Variants in PKHD1 observed in about 807,000 individuals in gnomAD.
PKHD1 encodes the protein fibrocystin.
PKHD1 carries 291 observed loss-of-function variants against 412.0 expected under a neutral mutation model. The observed-to-expected ratio is 0.71, with a 90% CI of 0.64 to 0.78. The LOEUF (loss-of-function observed/expected upper bound fraction) is 0.78, where lower values mean the gene tolerates loss of function less well. Among genes scored for constraint, PKHD1 ranks in the 30% least tolerant of loss-of-function variants. The pLI is 0.00. For missense variants in PKHD1, 4,825 were observed against 4,950.7 expected (o/e 0.97, Z 0.76); for synonymous variants, 1,777 against 1,821.5 (o/e 0.98, Z 0.62).
intron 51 of PKHD1, among the ~76,000 whole-genome samples, chr6:51,833,640 T>C (rs4142800): frequency 0.5 from 75,600 of 151,904 alleles, 20,011 homozygotes; most frequent in African/African-American, 0.65. Context: ...AATAGTAGAG[T>C]TCTGGTAAGA....
chr6:51,974,056 G>C (rs1286051640), intron 35 of PKHD1, among the ~76,000 whole-genome samples: 1 of 151,946 alleles, frequency 6.6e-6, no homozygotes, highest in Non-Finnish European at 1.5e-5. Flanking sequence ...ATCCCAGTAC[G>C]GGTGAATCAC....
At chr6:51,838,227 G>A (rs1769580477) in intron 50 of PKHD1, among the ~76,000 whole-genome samples, 1 of 152,152 alleles carries the variant, frequency 6.6e-6, no homozygotes, top group African/African-American at 2.4e-5. Context: ...TCAATAATTA[G>A]CTTTGTCTTC....
intron 52 of PKHD1, among the ~76,000 whole-genome samples, chr6:51,819,985 C>A (rs1292981601): frequency 6.6e-6 from 1 of 152,108 alleles, no homozygotes; most frequent in African/African-American, 2.4e-5. Context: ...AGATTTTTAA[C>A]GTACTTGCAG....
rs184470747 is a variant in PKHD1, at chr6:52,023,174, T to A, written c.5237-230A>T. On this transcript the variant is annotated intron_variant, in intron 32 of 66. Transcript: ENST00000371117. ...CCTATTGTGTTAAAGAGGTTTTTTT[T>A]TAATGTAACAATTTTTATATGGAAA... Among the ~76,000 whole-genome samples, 59 of 152,306 alleles carry A rather than the reference T, an allele frequency of 3.9e-4. No homozygotes were observed. The East Asian group carries it at 8.1e-3, about 21-fold the overall frequency.
chr6:51,818,829 A>G, intron 52 of PKHD1, among the ~76,000 whole-genome samples: 1 of 152,102 alleles, frequency 6.6e-6, no homozygotes. Flanking sequence ...CAGCACATTG[A>G]TGGACCACCG....
At chr6:51,780,354 C>T (rs1791779106) in intron 53 of PKHD1, among the ~76,000 whole-genome samples, 1 of 151,460 alleles carries the variant, frequency 6.6e-6, no homozygotes, top group African/African-American at 2.4e-5. Context: ...CCACACTGCA[C>T]TCCAGCCTGG....
Position 51,938,500 on chromosome 6 carries a change from C to T in PKHD1, c.5909-4178G>A, listed in dbSNP as rs537398195. On this transcript the variant is annotated intron_variant, in intron 36 of 66. Transcript: ENST00000371117. Reference sequence around the variant, plus strand: ...CCCCACTGAGCACGCTGTGACCCCCCACTCCTGCCCGCCAGAGAACAACCC... The same window carrying T: ...CCCCACTGAGCACGCTGTGACCCCCTACTCCTGCCCGCCAGAGAACAACCC... Among the ~76,000 whole-genome samples, 4 of 134,660 alleles carry T rather than the reference C, an allele frequency of 3.0e-5. No individual in the cohort carries two copies. In the East Asian group the frequency reaches 8.5e-4, roughly 29 times the overall value. 88.3% of individuals were successfully genotyped at this position (134,660 alleles called of 152,430 possible). A position where few individuals can be genotyped will look rare whatever the true frequency, so the allele number is the denominator to read the frequency against.
intron 66 of PKHD1, among the ~76,000 whole-genome samples, chr6:51,625,477 C>G (rs758100469): frequency 6.6e-6 from 1 of 152,072 alleles, no homozygotes; most frequent in Non-Finnish European, 1.5e-5. Context: ...GCTGTGATCC[C>G]CAGAGGAGGA....
At chr6:51,864,270 A>T (rs1774679922) in intron 48 of PKHD1, among the ~76,000 whole-genome samples, 1 of 152,194 alleles carries the variant, frequency 6.6e-6, no homozygotes, top group Non-Finnish European at 1.5e-5. Flanking sequence ...GGAATGTCAG[A>T]CTTTCCTTGG....
intron 49 of PKHD1, among the ~76,000 whole-genome samples, chr6:51,849,072 GC>G (rs1459119367): frequency 6.6e-6 from 1 of 151,784 alleles, no homozygotes; most frequent in East Asian, 1.9e-4. Flanking sequence ...CCCCAAACAG[GC>G]CCTGGTGAGT....
chr6:51,666,872 A>G (rs1054626346), intron 60 of PKHD1, among the ~76,000 whole-genome samples: 13 of 151,902 alleles, frequency 8.6e-5, no homozygotes, highest in Non-Finnish European at 1.6e-4. Context: ...AAGGACATGA[A>G]CTCATCACAT....
At chr6:52,081,062 C>T (rs1450824596) in intron 4 of PKHD1, among the ~76,000 whole-genome samples, 2 of 152,112 alleles carry the variant, frequency 1.3e-5, no homozygotes, top group South Asian at 2.1e-4. Flanking sequence ...AAAAACTGTA[C>T]ATTTTTCACA....
intron 53 of PKHD1, among the ~76,000 whole-genome samples, chr6:51,783,233 C>T (rs1792310102): frequency 6.6e-6 from 1 of 151,910 alleles, no homozygotes; most frequent in Non-Finnish European, 1.5e-5. Context: ...TGCTGTGTCC[C>T]CAGGGATACC....
At chr6:51,982,554 G>C (rs1292342533) in intron 35 of PKHD1, among the ~76,000 whole-genome samples, 2 of 141,292 alleles carry the variant, frequency 1.4e-5, no homozygotes, top group Non-Finnish European at 3.1e-5. Context: ...TCCACTCAGG[G>C]TTAAATGGAT....
chr6:51,647,073 G>T (rs1017618921), intron 63 of PKHD1, among the ~76,000 whole-genome samples: 1 of 152,066 alleles, frequency 6.6e-6, no homozygotes, highest in African/African-American at 2.4e-5. Flanking sequence ...ATCTCCCTTA[G>T]TTATGAGGCT....
intron 64 of PKHD1, among the ~76,000 whole-genome samples, chr6:51,634,435 A>G (rs1768282025): frequency 6.6e-6 from 1 of 152,216 alleles, no homozygotes; most frequent in Admixed American, 6.5e-5. Flanking sequence ...AGATGGGGGA[A>G]TAGACTTTAC....
In PKHD1 at chr6:51,847,877, C is replaced by T. The variant is rs1379353051; in HGVS notation, c.8005G>A (p.Gly2669Arg). The change falls in exon 50 of 67, where the codon GGG (glycine) becomes AGG (arginine). Residue 2669 changes from glycine (G) to arginine (R), a missense_variant. Gly to Arg is a moderately radical substitution (Grantham distance 125). Transcript: ENST00000371117. ...PPYPDILLRC[G>R]SRVGLSFPFL... ...GGAAAAGACAGACCCACTCGACTCC[C>T]ACATCTTAGGAGGATGTCAGGGTAA... The T allele has an allele frequency of 6.2e-7, 1 of 1,613,328 alleles. No homozygotes were observed. The highest frequency in any genetic ancestry group is 1.3e-5 in the African/African-American group (1 of 74,920).
At chr6:51,739,737 TA>T (rs960093491) in intron 60 of PKHD1, among the ~76,000 whole-genome samples, 1 of 152,224 alleles carries the variant, frequency 6.6e-6, no homozygotes, top group East Asian at 1.9e-4. Flanking sequence ...GCGTGTAGCA[TA>T]AAAAAGGTGC....
At chr6:52,036,213 T>C (rs1384896849) in intron 27 of PKHD1, among the ~76,000 whole-genome samples, 1 of 152,216 alleles carries the variant, frequency 6.6e-6, no homozygotes, top group Non-Finnish European at 1.5e-5. Flanking sequence ...TTTCCTCATC[T>C]TTAAATAATA....
Sources: gnomAD v4.1 joint callset for allele counts (sites outside exome capture counted in the v4.1 genomes callset) on GRCh38, gnomAD v4.1.1 for gene constraint, MANE v1.5 for transcripts, NCBI Gene and HGNC (gene_info 2026-07-23, HGNC 2026-07-21) for gene names.